The following MAST3 variants were observed in gnomAD, a reference collection of about 807,000 sequenced individuals.
MAST3 encodes the protein microtubule-associated serine/threonine-protein kinase 3.
MAST3 carries 43 observed loss-of-function variants against 127.0 expected under a neutral mutation model. That is an observed-to-expected ratio of 0.34 (90% CI 0.27 to 0.44). The LOEUF is 0.44. MAST3 is among the 20% of genes least tolerant of loss of function. The pLI is 1.00. For missense variants in MAST3, 1,390 were observed against 1,919.1 expected (o/e 0.72, Z 5.15); for synonymous variants, 785 against 809.2 (o/e 0.97, Z 0.51).
chr19:18,123,779 C>T lies in MAST3; in HGVS notation c.633+124C>T, dbSNP rs558029034. 9.3e-6 allele frequency: 10 copies of T among 1,080,136 alleles called. No homozygotes were observed. The South Asian group carries it at 1.1e-4, about 12-fold the overall frequency. The allele number at this position is 1,080,136 out of a possible 1,614,324, so 66.9% of individuals were successfully genotyped here. A position where few individuals can be genotyped will look rare whatever the true frequency, so the allele number is the denominator to read the frequency against. ...TCTGTTCATTTCTGTCTTTCCTTCC[C>T]CTTCCGTTGAAAGATGTCGTTCCTC... On this transcript the variant is annotated intron_variant, in intron 8 of 27. Transcript: ENST00000687212.
Position 18,101,772 on chromosome 19 carries a change from C to T in MAST3, c.39+3941C>T, listed in dbSNP as rs867733237. ...TACAAGCGATTCTCACAGCCTCAGC[C>T]TCCTGAGTAGCTGGATTACAGGCGA... On this transcript the variant is annotated intron_variant, in intron 1 of 27. Transcript: ENST00000687212. Among the ~76,000 whole-genome samples the T allele has an allele frequency of 2.6e-5, 4 of 151,692 alleles. No homozygotes were observed. In the South Asian group the frequency reaches 8.3e-4, roughly 31 times the overall value.
chr19:18,124,939 C>CCCT (rs904252041), intron 11 of MAST3, among the ~76,000 whole-genome samples, 165 bp downstream of exon 11: 5 of 135,492 alleles, frequency 3.7e-5, no homozygotes, highest in South Asian at 2.6e-4. Context: ...AAACCCCCCC[C>CCCT]CTACTAAAAA....
intron 1 of MAST3, among the ~76,000 whole-genome samples, chr19:18,102,774 C>T (rs912964006): frequency 7.2e-5 from 11 of 151,968 alleles, no homozygotes; most frequent in Admixed American, 7.2e-4. Flanking sequence ...GCCACCGCAC[C>T]TGGCTCAAAC....
rs1316612442 is a variant in MAST3, at chr19:18,141,932, T to A, written c.2256T>A (p.Ala752=). ...CCGTCCAGCCCACTCCTACCTTCGCTGAAAGGAGCTTCAGTGAAGACCGGG... is the reference window on the plus strand; with the variant it reads ...CCGTCCAGCCCACTCCTACCTTCGCAGAAAGGAGCTTCAGTGAAGACCGGG... ...FLAVQPTPTF[A]ERSFSEDREE... The change falls in exon 21 of 28, where the codon GCT becomes GCA. Residue 752 remains alanine (A), a synonymous_variant. Transcript: ENST00000687212. The A allele has an allele frequency of 1.3e-6, 2 of 1,556,736 alleles. No individual in the cohort carries two copies. The highest frequency in any genetic ancestry group is 3.7e-5 in the Admixed American group (2 of 54,480).
At chr19:18,125,493 G>A (rs899834812) in intron 11 of MAST3, among the ~76,000 whole-genome samples, 3 of 145,602 alleles carry the variant, frequency 2.1e-5, no homozygotes, top group Admixed American at 2.0e-4. Flanking sequence ...TGTAATCCCA[G>A]CACTTTTGGG....
At chr19:18,139,981 G>A (rs535180516) in intron 20 of MAST3, among the ~76,000 whole-genome samples, 17 of 148,968 alleles carry the variant, frequency 1.1e-4, no homozygotes, top group Admixed American at 4.0e-4. Context: ...CACCACGCCC[G>A]GCTAATTTTT....
chr19:18,133,981 A>G (rs144609171), intron 15 of MAST3, among the ~76,000 whole-genome samples: 1,731 of 152,246 alleles, frequency 0.011, 40 homozygotes, highest in African/African-American at 0.04. Flanking sequence ...ATGAAGTCGC[A>G]TTTCCGTGCA....
intron 20 of MAST3, among the ~76,000 whole-genome samples, chr19:18,141,596 C>T (rs1047348952): frequency 6.6e-6 from 1 of 152,000 alleles, no homozygotes; most frequent in East Asian, 1.9e-4. Context: ...TGGTCTTGAA[C>T]GCCTGACCTC....
intron 6 of MAST3, among the ~76,000 whole-genome samples, 189 bp downstream of exon 6, chr19:18,122,940 A>C (rs1285629383): frequency 6.6e-6 from 1 of 152,236 alleles, no homozygotes; most frequent in East Asian, 1.9e-4. Flanking sequence ...GCCCCAAAAT[A>C]GTCCCTGGTT....
intron 2 of MAST3, chr19:18,109,936 G>C (rs2038390952): frequency 4.1e-6 from 4 of 985,180 alleles, no homozygotes; most frequent in South Asian, 9.4e-5. Flanking sequence ...GGAGAGGCGG[G>C]GTCAGGCCAT....
Position 18,139,116 on chromosome 19 carries a change from T to C in MAST3, c.2197T>C (p.Phe733Leu). ...CCAGTTCTCCTCCTGCTCCCACCGG[T>C]TCAGCAAGGTGGGCCCGGGTCCCGA... is the stretch of plus-strand genomic sequence containing the variant. Reference protein sequence around the residue: ...IPQFSSCSHRFSKVYSSSEFL... With the variant: ...IPQFSSCSHRLSKVYSSSEFL... Residue 733 changes from phenylalanine to leucine, a missense_variant, in exon 20 of 28, where the codon TTC becomes CTC. This residue lies in a region of MAST3 where 816 missense variants were observed against 934.1 expected (regional missense o/e 0.87). Transcript: ENST00000687212. 6.3e-7 allele frequency: 1 copy of C among 1,599,418 alleles called. No homozygotes were observed.
In MAST3 at chr19:18,131,382, C is replaced by T. The variant is rs2041265052; in HGVS notation, c.1433-527C>T. Among the ~76,000 whole-genome samples, 2 of 89,324 alleles carry T rather than the reference C, an allele frequency of 2.2e-5. 1 individual carries two copies. Among genetic ancestry groups the T allele is most frequent in the African/African-American group, 8.0e-5 (2 of 25,042 alleles). The allele number at this position is 89,324 out of a possible 152,430, so 58.6% of individuals were successfully genotyped here. On this transcript the variant is annotated intron_variant, in intron 14 of 27. Transcript: ENST00000687212. ...CAACAGAGCGGGCAACAGAGTGAGA[C>T]TCTGTCTCAAAAAAATAAATAAAAA...
Position 18,144,877 on chromosome 19 carries a change from G to A in MAST3, c.2813-126G>A, listed in dbSNP as rs551170518. ...GGCACTGCACGTGCAAAGGCCTGGT[G>A]GGGTGACCATGCTTGGGACATTGAA... On this transcript the variant is annotated intron_variant, in intron 23 of 27. Coordinates refer to ENST00000687212, the MANE Select transcript of MAST3 (RefSeq NM_001393504.1). The surrounding 1 kb of genome is among the most constrained non-coding windows in gnomAD (Gnocchi z 4.0). 1.4e-5 allele frequency: 12 copies of A among 853,426 alleles called. No individual in the cohort carries two copies. Among genetic ancestry groups the A allele is most frequent in the East Asian group, 1.3e-4 (5 of 37,876 alleles). The allele number at this position is 853,426 out of a possible 1,614,324, so 52.9% of individuals were successfully genotyped here.
intron 3 of MAST3, among the ~76,000 whole-genome samples, chr19:18,113,107 G>A (rs2038820802): frequency 6.6e-6 from 1 of 152,114 alleles, no homozygotes; most frequent in Admixed American, 6.6e-5. Context: ...AACTGGGAGG[G>A]GAGGGAGGAA....
chr19:18,149,984 T>C lies in MAST3; in HGVS notation c.*258T>C. ...TGCAACTAATTTATTACTTTTTTTT[T>C]CTTTTTTTTTTTTTTTTTTTGAGAC... On this transcript the variant is annotated 3_prime_UTR_variant, in exon 28 of 28. Coordinates refer to ENST00000687212, the MANE Select transcript of MAST3 (RefSeq NM_001393504.1). The surrounding 1 kb of genome is among the most constrained non-coding windows in gnomAD (Gnocchi z 5.9). 5.0e-6 allele frequency: 1 copy of C among 198,966 alleles called. No individual in the cohort carries two copies. Among genetic ancestry groups the C allele is most frequent in the Non-Finnish European group, 8.4e-6 (1 of 118,994 alleles). The allele number at this position is 198,966 out of a possible 1,614,324, so 12.3% of individuals were successfully genotyped here. A position where few individuals can be genotyped will look rare whatever the true frequency, so the allele number is the denominator to read the frequency against.
chr19:18,118,176 C>G (rs1419526647), intron 3 of MAST3: 1 of 985,330 alleles, frequency 1.0e-6, no homozygotes, highest in Non-Finnish European at 1.2e-6. Flanking sequence ...ATGTCCGACC[C>G]CAGCTACTGG....
chr19:18,109,577 C>A (rs1036782392), intron 2 of MAST3, among the ~76,000 whole-genome samples: 3 of 152,142 alleles, frequency 2.0e-5, no homozygotes, highest in Admixed American at 2.0e-4. Flanking sequence ...GACACAGACA[C>A]CCCCAGACCG....
In MAST3 at chr19:18,137,384, G is replaced by A. The variant is rs372186054; in HGVS notation, c.2095+23G>A. On this transcript the variant is annotated intron_variant, in intron 19 of 27. Transcript: ENST00000687212. The stretch of plus-strand genomic sequence containing the variant: ...ACAGTAAGGAGGGATCCCCCTGGAG[G>A]GGGGGCGGGGGGTGCTCTGCCATCC... 8.2e-5 allele frequency: 131 copies of A among 1,606,308 alleles called. No individual in the cohort carries two copies. In the African/African-American group the frequency reaches 1.6e-3, roughly 20 times the overall value.
chr19:18,122,837 G>A (rs983804117), intron 6 of MAST3, 86 bp downstream of exon 6: 6 of 1,373,482 alleles, frequency 4.4e-6, no homozygotes, highest in African/African-American at 2.9e-5. Flanking sequence ...TCAAGGTGTT[G>A]GATAGTTGTG....
Sources: allele counts gnomAD v4.1 joint callset (sites outside exome capture counted in the v4.1 genomes callset), GRCh38; gene constraint gnomAD v4.1.1; regional missense constraint gnomAD v4.1.1; non-coding constraint Gnocchi (gnomAD v3.1); transcripts MANE v1.5; gene names NCBI Gene and HGNC (gene_info 2026-07-23, HGNC 2026-07-21).